ZW10: variants seen among roughly 807,000 people sequenced by gnomAD.
The protein encoded by ZW10 is zw10 kinetochore protein.
ZW10 carries 53 observed loss-of-function variants against 87.8 expected under a neutral mutation model. That is an observed-to-expected ratio of 0.60 (90% CI 0.48 to 0.76). ZW10 has a LOEUF of 0.76. Among genes scored for constraint, ZW10 ranks in the 30% least tolerant of loss-of-function variants. The probability of loss-of-function intolerance (pLI) is 0.00; values close to 1 mark genes in which losing one functional copy is unlikely to be tolerated. For synonymous variants in ZW10, 312 were observed against 329.2 expected, an observed-to-expected ratio of 0.95 and a Z score of 0.57; for missense variants, 837 against 923.0, an observed-to-expected ratio of 0.91 and a Z score of 1.21.
chr11:113,736,862 G>A (rs372660834), intron 14 of ZW10, 40 bp from the exon 15 acceptor site: 3 of 1,598,680 alleles, frequency 1.9e-6, no homozygotes, highest in Non-Finnish European at 1.7e-6. Flanking sequence ...ATAGAATTGG[G>A]CCAGCTCAGA....
chr11:113,744,176 A>G (rs1591411992), intron 9 of ZW10, 136 bp from the exon 10 acceptor site: 1 of 661,848 alleles, frequency 1.5e-6, no homozygotes, highest in Non-Finnish European at 2.5e-6. Flanking sequence ...TCACGAGGTC[A>G]GGAGATCGAG....
intron 9 of ZW10, among the ~76,000 whole-genome samples, chr11:113,745,124 C>A (rs893819751): frequency 1.3e-5 from 2 of 151,728 alleles, no homozygotes; most frequent in Non-Finnish European, 2.9e-5. Context: ...TAGAAAATTT[C>A]TTTTGTTGGG....
At chr11:113,739,634 G>A (rs938003793) in intron 11 of ZW10, among the ~76,000 whole-genome samples, 24 of 152,180 alleles carry the variant, frequency 1.6e-4, no homozygotes, top group African/African-American at 5.5e-4. Flanking sequence ...CAAGATGTTT[G>A]CCTGAGTCAA....
At chr11:113,767,303 G>A (rs998589383) in intron 2 of ZW10, among the ~76,000 whole-genome samples, 3 of 151,106 alleles carry the variant, frequency 2.0e-5, no homozygotes, top group Non-Finnish European at 4.4e-5. Context: ...AACTCCATTT[G>A]ATACCCCATA....
At chr11:113,746,081 T>A (rs1286014104) in intron 9 of ZW10, among the ~76,000 whole-genome samples, 1 of 152,172 alleles carries the variant, frequency 6.6e-6, no homozygotes, top group Non-Finnish European at 1.5e-5. Flanking sequence ...TCAGGGATGC[T>A]GCTAAATATC....
intron 7 of ZW10, among the ~76,000 whole-genome samples, chr11:113,754,392 C>T (rs368879202): frequency 3.3e-5 from 5 of 151,824 alleles, no homozygotes; most frequent in African/African-American, 4.8e-5. Flanking sequence ...GGCTGAGGCA[C>T]GAGAATCGCT....
At chr11:113,738,140 AG>A in intron 13 of ZW10, 123 bp downstream of exon 13, 1 of 1,087,202 alleles carries the variant, frequency 9.2e-7, no homozygotes, top group Non-Finnish European at 1.3e-6. Flanking sequence ...GATTTTCCAA[AG>A]GTGGGGGTGC....
intron 10 of ZW10, 132 bp from the exon 11 acceptor site, chr11:113,741,897 T>G: frequency 1.8e-6 from 1 of 562,958 alleles, no homozygotes; most frequent in South Asian, 2.7e-5. Context: ...CTGCCTTGGT[T>G]GCTGGAAAAC....
intron 2 of ZW10, among the ~76,000 whole-genome samples, chr11:113,767,698 G>C (rs576525521): frequency 5.6e-4 from 85 of 152,174 alleles, no homozygotes; most frequent in African/African-American, 2.0e-3. Context: ...ACCTCTATGG[G>C]TTCCACAGGG....
chr11:113,755,182 C>G (rs1474513899), intron 7 of ZW10, among the ~76,000 whole-genome samples: 5 of 152,180 alleles, frequency 3.3e-5, no homozygotes, highest in Non-Finnish European at 4.4e-5. Flanking sequence ...ATAGCTGCTA[C>G]AGTGATTCCT....
chr11:113,751,700 C>G (rs2134880638), intron 7 of ZW10, among the ~76,000 whole-genome samples: 1 of 152,130 alleles, frequency 6.6e-6, no homozygotes, highest in East Asian at 1.9e-4. Flanking sequence ...TGGTGAAACC[C>G]CGACTCTACT....
Position 113,760,546 on chromosome 11 carries a change from C to G in ZW10, c.387G>C (p.Lys129Asn). 6.2e-7 allele frequency: 1 copy of G among 1,613,966 alleles called. No homozygotes were observed. Among genetic ancestry groups the G allele is most frequent in the Non-Finnish European group, 8.5e-7 (1 of 1,179,962 alleles). Residue 129 changes from lysine to asparagine, a missense_variant, in exon 4 of 16, where the codon AAG becomes AAC. Coordinates refer to ENST00000200135, the MANE Select transcript of ZW10 (RefSeq NM_004724.4). ...GACGCTGAGCACCAGTGACATACTTCTTCTCTGTTAATGCACAATTATATT... is the reference window on the plus strand; with the variant it reads ...GACGCTGAGCACCAGTGACATACTTGTTCTCTGTTAATGCACAATTATATT... ...IEEYNCALTE[K>N]KYVTGAQRLE...
chr11:113,764,611 T>C (rs578132479), intron 2 of ZW10, among the ~76,000 whole-genome samples: 42 of 152,346 alleles, frequency 2.8e-4, no homozygotes, highest in African/African-American at 9.6e-4. Flanking sequence ...GTTTTAACTT[T>C]GTAAACTTTC....
At chr11:113,738,701 A>G (rs914891642) in intron 12 of ZW10, among the ~76,000 whole-genome samples, 2 of 152,208 alleles carry the variant, frequency 1.3e-5, no homozygotes, top group African/African-American at 4.8e-5. Flanking sequence ...CAACTAGGGA[A>G]AAATCAAGAA....
chr11:113,762,606 C>A (rs1002036747), intron 2 of ZW10, among the ~76,000 whole-genome samples: 4 of 151,992 alleles, frequency 2.6e-5, no homozygotes, highest in Admixed American at 6.6e-5. Context: ...CAACCTCCAC[C>A]TCCCAGGTTC....
At chr11:113,764,965 C>T (rs1235631475) in intron 2 of ZW10, among the ~76,000 whole-genome samples, 1 of 152,166 alleles carries the variant, frequency 6.6e-6, no homozygotes, top group East Asian at 1.9e-4. Context: ...TGGTTTTTAA[C>T]AGGAAGTGAT....
intron 9 of ZW10, among the ~76,000 whole-genome samples, chr11:113,746,077 A>T (rs1219314307): frequency 1.3e-5 from 2 of 152,198 alleles, no homozygotes; most frequent in Non-Finnish European, 2.9e-5. Flanking sequence ...GAGGTCAGGG[A>T]TGCTGCTAAA....
chr11:113,767,745 T>C (rs1324189362), intron 2 of ZW10, among the ~76,000 whole-genome samples: 1 of 152,196 alleles, frequency 6.6e-6, no homozygotes, highest in African/African-American at 2.4e-5. Context: ...ATCATGTTAC[T>C]ACTAACCTGA....
At chr11:113,768,129 T>C (rs543878044) in intron 2 of ZW10, among the ~76,000 whole-genome samples, 6 of 152,238 alleles carry the variant, frequency 3.9e-5, no homozygotes, top group Non-Finnish European at 8.8e-5. Flanking sequence ...GCAGAATAAA[T>C]ATACCAAATG....
Sources: gnomAD v4.1 joint callset for allele counts (sites outside exome capture counted in the v4.1 genomes callset) on GRCh38, gnomAD v4.1.1 for gene constraint, MANE v1.5 for transcripts, NCBI Gene and HGNC (gene_info 2026-07-23, HGNC 2026-07-21) for gene names.